SEMA3A: variants seen among roughly 807,000 people sequenced by gnomAD.
SEMA3A encodes semaphorin-3A.
SEMA3A carries 29 observed loss-of-function variants against 97.9 expected under a neutral mutation model. The observed-to-expected ratio is 0.30, with a 90% CI of 0.22 to 0.40. The LOEUF is 0.40. Among genes scored for constraint, SEMA3A ranks in the 10% least tolerant of loss-of-function variants. The pLI is 1.00. For missense variants in SEMA3A, 763 were observed against 951.3 expected, an observed-to-expected ratio of 0.80 and a Z score of 2.60; for synonymous variants, 321 against 323.7, an observed-to-expected ratio of 0.99 and a Z score of 0.09.
chr7:84,415,593 C>A (rs1804411750), intron 1 of SEMA3A, among the ~76,000 whole-genome samples: 1 of 152,028 alleles, frequency 6.6e-6, no homozygotes, highest in African/African-American at 2.4e-5. Context: ...ACTACTTATA[C>A]CTGATGAATC....
intron 3 of SEMA3A, among the ~76,000 whole-genome samples, chr7:84,239,273 T>A (rs1799306548): frequency 6.6e-6 from 1 of 152,202 alleles, no homozygotes; most frequent in Non-Finnish European, 1.5e-5. Flanking sequence ...CATAAGGAAA[T>A]TATTTTTTGA....
intron 1 of SEMA3A, among the ~76,000 whole-genome samples, chr7:84,472,147 G>T (rs565681465): frequency 3.3e-5 from 5 of 152,174 alleles, no homozygotes; most frequent in Admixed American, 2.6e-4. Flanking sequence ...ATGTGTGAGT[G>T]TATGTGATTA....
intron 6 of SEMA3A, among the ~76,000 whole-genome samples, chr7:84,031,572 G>A (rs761324092): frequency 1.3e-5 from 2 of 151,988 alleles, no homozygotes; most frequent in African/African-American, 2.4e-5. Flanking sequence ...GGTGGCTCAC[G>A]CCTGTAATCC....
chr7:84,296,694 A>T (rs1484433521), intron 3 of SEMA3A, among the ~76,000 whole-genome samples: 2 of 152,126 alleles, frequency 1.3e-5, no homozygotes, highest in Non-Finnish European at 2.9e-5. Flanking sequence ...TATTTTACTC[A>T]TCTTTGTACC....
intron 12 of SEMA3A, among the ~76,000 whole-genome samples, chr7:83,997,007 T>G (rs528562631): frequency 6.6e-6 from 1 of 152,182 alleles, no homozygotes; most frequent in Admixed American, 6.5e-5. Flanking sequence ...ACCACTGGAA[T>G]GTGTATGATT....
chr7:84,361,552 T>A (rs1802720935), intron 2 of SEMA3A, among the ~76,000 whole-genome samples: 1 of 151,928 alleles, frequency 6.6e-6, no homozygotes, highest in Non-Finnish European at 1.5e-5. Flanking sequence ...TAAAGCAATA[T>A]TCTATTGAAA....
intron 2 of SEMA3A, among the ~76,000 whole-genome samples, chr7:84,363,368 C>T (rs143821301): frequency 6.6e-6 from 1 of 151,906 alleles, no homozygotes; most frequent in African/African-American, 2.4e-5. Context: ...TTTTCACTCT[C>T]GGACATTCGA....
chr7:83,976,950 A>C (rs1789173343), intron 15 of SEMA3A, among the ~76,000 whole-genome samples, 182 bp downstream of exon 15: 1 of 152,182 alleles, frequency 6.6e-6, no homozygotes. Context: ...ATTTATGATA[A>C]TAAAACATAA....
At chr7:84,398,868 A>G (rs1803815192) in intron 1 of SEMA3A, among the ~76,000 whole-genome samples, 1 of 152,178 alleles carries the variant, frequency 6.6e-6, no homozygotes, top group African/African-American at 2.4e-5. Context: ...GAGGCTACAG[A>G]ACAAGATGGC....
chr7:84,240,679 C>T (rs1799338365), intron 3 of SEMA3A, among the ~76,000 whole-genome samples: 1 of 152,246 alleles, frequency 6.6e-6, no homozygotes, highest in African/African-American at 2.4e-5. Flanking sequence ...CATAGGTATA[C>T]ATGTGCCATG....
At chr7:84,100,769 C>T (rs1409686417) in intron 4 of SEMA3A, among the ~76,000 whole-genome samples, 1 of 152,168 alleles carries the variant, frequency 6.6e-6, no homozygotes, top group East Asian at 1.9e-4. Context: ...CTTCCAAGGT[C>T]ATCTGGGCAT....
intron 1 of SEMA3A, among the ~76,000 whole-genome samples, chr7:84,490,179 T>C (rs1806682771): frequency 8.4e-6 from 1 of 119,514 alleles, no homozygotes; most frequent in Non-Finnish European, 1.7e-5. Flanking sequence ...AAGTTGGATA[T>C]AACCACAATG....
intron 3 of SEMA3A, among the ~76,000 whole-genome samples, chr7:84,257,940 T>C (rs943161815): frequency 1.3e-5 from 2 of 152,190 alleles, no homozygotes; most frequent in African/African-American, 4.8e-5. Context: ...AACAGAATGG[T>C]ATTTCATTTC....
chr7:84,362,421 T>C (rs967298325), intron 2 of SEMA3A, among the ~76,000 whole-genome samples: 30 of 152,140 alleles, frequency 2.0e-4, no homozygotes, highest in African/African-American at 6.3e-4. Context: ...TATAGTTTCA[T>C]CGTCAATATT....
intron 3 of SEMA3A, among the ~76,000 whole-genome samples, chr7:84,252,523 T>C (rs556073384): frequency 6.6e-5 from 10 of 152,204 alleles, no homozygotes; most frequent in South Asian, 2.1e-4. Context: ...GTTATGAACC[T>C]GTCATAAAAA....
intron 1 of SEMA3A, among the ~76,000 whole-genome samples, chr7:84,465,270 G>A (rs115503001): frequency 2.7e-4 from 41 of 152,160 alleles, no homozygotes; most frequent in African/African-American, 8.4e-4. Flanking sequence ...AACTGGATAA[G>A]GATTGACTAT....
chr7:84,310,366 A>G (rs895484734), intron 2 of SEMA3A, among the ~76,000 whole-genome samples: 1 of 151,908 alleles, frequency 6.6e-6, no homozygotes, highest in East Asian at 1.9e-4. Context: ...CCAACCTGAC[A>G]GTTGTTTTTT....
chr7:84,069,128 G>A (rs754950039), intron 4 of SEMA3A, among the ~76,000 whole-genome samples: 9 of 152,044 alleles, frequency 5.9e-5, no homozygotes, highest in Non-Finnish European at 1.2e-4. Context: ...TGGATAGAGA[G>A]ATAAAATGAC....
chr7:84,294,645 T>C (rs959188022), intron 3 of SEMA3A, among the ~76,000 whole-genome samples: 1 of 152,074 alleles, frequency 6.6e-6, no homozygotes, highest in Non-Finnish European at 1.5e-5. Flanking sequence ...AGGACATTTA[T>C]TTTTACTCCT....
Sources: gnomAD v4.1 joint callset for allele counts (sites outside exome capture counted in the v4.1 genomes callset) on GRCh38, gnomAD v4.1.1 for gene constraint, MANE v1.5 for transcripts, NCBI Gene and HGNC (gene_info 2026-07-23, HGNC 2026-07-21) for gene names.